GPC5: variants seen among roughly 807,000 people sequenced by gnomAD.
The protein encoded by GPC5 is glypican-5.
GPC5 carries 47 observed loss-of-function variants against 53.9 expected under a neutral mutation model. The observed-to-expected ratio is 0.87, with a 90% CI of 0.69 to 1.11. The LOEUF (loss-of-function observed/expected upper bound fraction) is 1.11. GPC5 is among the 50% of genes most tolerant of loss of function. The probability of loss-of-function intolerance (pLI) is 0.00; values close to 1 mark genes in which losing one functional copy is unlikely to be tolerated. For synonymous variants in GPC5, 286 were observed against 263.3 expected (o/e 1.09, Z -0.84); for missense variants, 748 against 713.1 (o/e 1.05, Z -0.56).
chr13:92,459,655 ATTAG>A (rs1393638334), intron 7 of GPC5, among the ~76,000 whole-genome samples: 1 of 152,154 alleles, frequency 6.6e-6, no homozygotes, highest in Admixed American at 6.6e-5. Flanking sequence ...GAATGCACAT[ATTAG>A]TTCTCAAATT....
chr13:91,557,486 G>A (rs1253799404), intron 2 of GPC5, among the ~76,000 whole-genome samples: 1 of 152,128 alleles, frequency 6.6e-6, no homozygotes, highest in Middle Eastern at 3.2e-3. Flanking sequence ...CTGGTGAGAT[G>A]TTGCTGACCC....
chr13:92,626,981 AATT>A (rs1202124018), intron 7 of GPC5, among the ~76,000 whole-genome samples: 2 of 152,184 alleles, frequency 1.3e-5, no homozygotes, highest in Non-Finnish European at 2.9e-5. Flanking sequence ...AGAAGTAAAA[AATT>A]ATTGTCATTG....
chr13:92,496,617 A>G (rs1879989281), intron 7 of GPC5, among the ~76,000 whole-genome samples: 1 of 152,190 alleles, frequency 6.6e-6, no homozygotes, highest in African/African-American at 2.4e-5. Context: ...TAGCAGCCAT[A>G]CTAGTCTTGG....
At chr13:92,510,250 G>A (rs1273575934) in intron 7 of GPC5, among the ~76,000 whole-genome samples, 1 of 151,704 alleles carries the variant, frequency 6.6e-6, no homozygotes, top group Non-Finnish European at 1.5e-5. Flanking sequence ...TTTATTCTTA[G>A]AGATAACTCA....
chr13:91,989,625 A>G (rs1158878976), intron 6 of GPC5, among the ~76,000 whole-genome samples: 1 of 152,192 alleles, frequency 6.6e-6, no homozygotes, highest in Non-Finnish European at 1.5e-5. Flanking sequence ...AGAAATAGTC[A>G]GGTAAATATA....
intron 7 of GPC5, among the ~76,000 whole-genome samples, chr13:92,277,414 A>T (rs2042883884): frequency 6.6e-6 from 1 of 152,080 alleles, no homozygotes; most frequent in Non-Finnish European, 1.5e-5. Flanking sequence ...CATTTATTGC[A>T]TAATTACAGC....
At chr13:91,555,874 G>C (rs527723787) in intron 2 of GPC5, among the ~76,000 whole-genome samples, 37 of 152,084 alleles carry the variant, frequency 2.4e-4, no homozygotes, top group African/African-American at 8.4e-4. Flanking sequence ...GACCAGTATG[G>C]GGGAAACCGC....
chr13:92,233,927 C>T (rs71427539), intron 7 of GPC5, among the ~76,000 whole-genome samples: 39,164 of 151,706 alleles, frequency 0.26, 5,510 homozygotes, highest in Non-Finnish European at 0.32. Context: ...TTTGTCCTTG[C>T]GATAGTTTGC....
At chr13:91,545,618 G>A (rs577205373) in intron 2 of GPC5, among the ~76,000 whole-genome samples, 1 of 151,964 alleles carries the variant, frequency 6.6e-6, no homozygotes, top group African/African-American at 2.4e-5. Flanking sequence ...CTGACTGTAG[G>A]TACAGTGATG....
intron 7 of GPC5, among the ~76,000 whole-genome samples, chr13:92,652,395 T>A (rs1168707631): frequency 6.6e-6 from 1 of 152,158 alleles, no homozygotes; most frequent in African/African-American, 2.4e-5. Context: ...CTTATGCCTT[T>A]TAGTTACCCT....
intron 2 of GPC5, among the ~76,000 whole-genome samples, chr13:91,674,346 C>T (rs1265596325): frequency 1.3e-5 from 2 of 151,552 alleles, no homozygotes; most frequent in African/African-American, 4.9e-5. Context: ...AATATTTTCT[C>T]CTTCAAATAT....
intron 7 of GPC5, among the ~76,000 whole-genome samples, chr13:92,800,630 C>T (rs1876866802): frequency 6.6e-6 from 1 of 151,770 alleles, no homozygotes; most frequent in African/African-American, 2.4e-5. Context: ...GAAATAGATA[C>T]AGCAAAGAAT....
intron 7 of GPC5, among the ~76,000 whole-genome samples, chr13:92,407,616 T>G (rs1030126409): frequency 1.3e-5 from 2 of 152,198 alleles, no homozygotes; most frequent in African/African-American, 4.8e-5. Flanking sequence ...AAATTGAATA[T>G]GTAGCTATAT....
chr13:92,028,765 A>G (rs1369799038), intron 6 of GPC5, among the ~76,000 whole-genome samples: 3 of 152,184 alleles, frequency 2.0e-5, no homozygotes, highest in Non-Finnish European at 4.4e-5. Flanking sequence ...AGGAATGGGA[A>G]AAACAGAGCA....
chr13:92,733,974 CTGAGA>C (rs1414325804), intron 7 of GPC5, among the ~76,000 whole-genome samples: 1 of 151,708 alleles, frequency 6.6e-6, no homozygotes, highest in Non-Finnish European at 1.5e-5. Context: ...TGTTAAATGT[CTGAGA>C]TGCTCTTTAA....
chr13:91,591,533 T>C (rs1175356182), intron 2 of GPC5, among the ~76,000 whole-genome samples: 2 of 152,224 alleles, frequency 1.3e-5, no homozygotes. Flanking sequence ...AAAGATATTT[T>C]CCAAGTTGCT....
At chr13:92,152,084 T>G (rs1433579897) in intron 7 of GPC5, among the ~76,000 whole-genome samples, 1 of 152,146 alleles carries the variant, frequency 6.6e-6, no homozygotes, top group Non-Finnish European at 1.5e-5. Flanking sequence ...TTAAATTACT[T>G]GAAAAAAATA....
intron 5 of GPC5, among the ~76,000 whole-genome samples, chr13:91,859,866 C>G (rs906712235): frequency 2.0e-5 from 3 of 151,578 alleles, no homozygotes; most frequent in African/African-American, 7.3e-5. Flanking sequence ...ATAAATTACC[C>G]TCTCAATTTA....
At chr13:92,704,707 T>C (rs1206473105) in intron 7 of GPC5, among the ~76,000 whole-genome samples, 1 of 151,858 alleles carries the variant, frequency 6.6e-6, no homozygotes, top group Non-Finnish European at 1.5e-5. Flanking sequence ...TTTTTAATAC[T>C]AAGAAGTCAA....
Sources: allele counts gnomAD v4.1 joint callset (sites outside exome capture counted in the v4.1 genomes callset), GRCh38; gene constraint gnomAD v4.1.1; transcripts MANE v1.5; gene names NCBI Gene and HGNC (gene_info 2026-07-23, HGNC 2026-07-21).